SPECC1L: variants seen among roughly 807,000 people sequenced by gnomAD.
SPECC1L encodes the protein cytospin-A.
SPECC1L carries 40 observed loss-of-function variants against 116.8 expected under a neutral mutation model. The ratio of observed to expected loss-of-function variants is 0.34; its 90% CI spans 0.27 to 0.45. The LOEUF (loss-of-function observed/expected upper bound fraction) is 0.45. Among genes scored for constraint, SPECC1L ranks in the 20% least tolerant of loss-of-function variants. SPECC1L has a pLI of 1.00. For missense variants in SPECC1L, 1,110 were observed against 1,373.6 expected, an observed-to-expected ratio of 0.81 and a Z score of 3.03; for synonymous variants, 504 against 500.6, an observed-to-expected ratio of 1.01 and a Z score of -0.09.
At chr22:24,364,046 C>G (rs1263232210) in intron 12 of SPECC1L, among the ~76,000 whole-genome samples, 1 of 152,150 alleles carries the variant, frequency 6.6e-6, no homozygotes, top group Admixed American at 6.5e-5. Flanking sequence ...GCCTGCAGAT[C>G]CACCTTCTTC....
intron 2 of SPECC1L, among the ~76,000 whole-genome samples, chr22:24,289,349 C>A (rs9624449): frequency 6.6e-6 from 1 of 152,328 alleles, no homozygotes; most frequent in Admixed American, 6.5e-5. Flanking sequence ...AGGCTTGTCA[C>A]TTGTCTGGAA....
rs2042818322 is a variant in SPECC1L, at chr22:24,417,280, A to G, written c.*2657A>G. 3.3e-5 allele frequency: 5 copies of G among 152,052 alleles called. No individual in the cohort carries two copies. Among genetic ancestry groups the G allele is most frequent in the Non-Finnish European group, 7.4e-5 (5 of 67,984 alleles). 9.4% of individuals were successfully genotyped at this position (152,052 alleles called of 1,614,324 possible). A position where few individuals can be genotyped will look rare whatever the true frequency, so the allele number is the denominator to read the frequency against. Reference sequence around the variant, plus strand: ...CTTGGGCTTTTCTAGCTTGCCCTCCACTCCCTGCCGTCCCTCTGACGTCGC... The same window carrying G: ...CTTGGGCTTTTCTAGCTTGCCCTCCGCTCCCTGCCGTCCCTCTGACGTCGC... On this transcript the variant is annotated 3_prime_UTR_variant, in exon 17 of 17. Transcript: ENST00000314328.
At position 24,363,294 on chromosome 22, in the gene SPECC1L, C is replaced by T. The variant is rs1569435923; in HGVS notation, c.2777C>T (p.Pro926Leu). Residue 926 changes from proline to leucine, a missense_variant, in exon 12 of 17, where the codon CCT (proline) becomes CTT (leucine). Coordinates refer to ENST00000314328, the MANE Select transcript of SPECC1L (RefSeq NM_015330.6). Reference protein sequence around the residue: ...HLLRTSSASRPASLPRVPAME... With the variant: ...HLLRTSSASRLASLPRVPAME... ...TTAAGAACATCTTCAGCCAGCCGGC[C>T]TGCTTCCCTGCCAAGAGTGCCTGCG... 3.1e-6 allele frequency: 5 copies of T among 1,614,074 alleles called. No homozygotes were observed. Among genetic ancestry groups the T allele is most frequent in the Non-Finnish European group, 4.2e-6 (5 of 1,180,036 alleles).
intron 14 of SPECC1L, among the ~76,000 whole-genome samples, chr22:24,402,524 C>A (rs2042499669): frequency 6.6e-6 from 1 of 152,208 alleles, no homozygotes; most frequent in South Asian, 2.1e-4. Flanking sequence ...CTCACTCTTA[C>A]CTCATGAGGC....
At chr22:24,367,718 G>C (rs1031953102) in intron 13 of SPECC1L, among the ~76,000 whole-genome samples, 4 of 152,170 alleles carry the variant, frequency 2.6e-5, no homozygotes, top group Admixed American at 2.0e-4. Flanking sequence ...AAAAGCTTCT[G>C]TTGTAAATGT....
intron 6 of SPECC1L, among the ~76,000 whole-genome samples, chr22:24,325,610 CG>C (rs2040805748): frequency 6.6e-6 from 1 of 150,600 alleles, no homozygotes; most frequent in Non-Finnish European, 1.5e-5. Context: ...AATGTAGTGC[CG>C]GGGGCAGAAA....
At chr22:24,354,823 G>A (rs2041497504) in intron 11 of SPECC1L, among the ~76,000 whole-genome samples, 1 of 151,760 alleles carries the variant, frequency 6.6e-6, no homozygotes, top group South Asian at 2.1e-4. Flanking sequence ...CACCACACCT[G>A]GCTAATTTTT....
At chr22:24,403,253 T>G (rs541199462) in intron 14 of SPECC1L, among the ~76,000 whole-genome samples, 2 of 152,314 alleles carry the variant, frequency 1.3e-5, no homozygotes, top group South Asian at 4.1e-4. Flanking sequence ...TCTCTTGTTT[T>G]GTCGACCCTA....
chr22:24,300,609 A>G (rs536168140), intron 2 of SPECC1L, among the ~76,000 whole-genome samples: 12 of 152,128 alleles, frequency 7.9e-5, no homozygotes, highest in African/African-American at 2.4e-4. Flanking sequence ...AAGCATTCCT[A>G]TTTCTCCACA....
At chr22:24,338,245 C>A in intron 9 of SPECC1L, 141 bp from the exon 10 acceptor site, 1 of 809,860 alleles carries the variant, frequency 1.2e-6, no homozygotes, top group Non-Finnish European at 2.2e-6. Context: ...TACAAGTGTT[C>A]AGCAGAGGCT....
chr22:24,322,721 G>C lies in SPECC1L; in HGVS notation c.1741G>C (p.Ala581Pro). 6.3e-7 allele frequency: 1 copy of C among 1,590,974 alleles called. No homozygotes were observed. The highest frequency in any genetic ancestry group is 8.5e-7 in the Non-Finnish European group (1 of 1,169,898). Residue 581 changes from alanine to proline, a missense_variant, in exon 5 of 17, where the codon GCT becomes CCT. Transcript: ENST00000314328. ...CCAGATAGAGATGAATCGCCTGAAG[G>C]CTCAGCTGGAGAATGAAAAGCAGAA... ...SDQIEMNRLK[A>P]QLENEKQKVA...
intron 3 of SPECC1L, among the ~76,000 whole-genome samples, chr22:24,309,441 G>A (rs986569578): frequency 6.6e-6 from 1 of 151,908 alleles, no homozygotes; most frequent in Non-Finnish European, 1.5e-5. Flanking sequence ...TAGCTCTGTC[G>A]CCAGGCTGGA....
chr22:24,275,103 T>A (rs916909415), intron 1 of SPECC1L, among the ~76,000 whole-genome samples: 4 of 152,268 alleles, frequency 2.6e-5, no homozygotes, highest in African/African-American at 9.6e-5. Flanking sequence ...TCCCTAGTCC[T>A]CCTGCCTCCT....
rs548384565 is a variant in SPECC1L, at chr22:24,391,021, G to A, written c.3088-20567G>A. Reference sequence around the variant, plus strand: ...CTCCTGAGTAGCTGGGATTACAGGCGCATGCCAGCAAACCCAGCTAATTTT... The same window carrying A: ...CTCCTGAGTAGCTGGGATTACAGGCACATGCCAGCAAACCCAGCTAATTTT... On this transcript the variant is annotated intron_variant, in intron 14 of 16. Transcript: ENST00000314328. Among the ~76,000 whole-genome samples, 376 of 151,502 alleles carry A rather than the reference G, an allele frequency of 2.5e-3. 1 individual carries two copies. The highest frequency in any genetic ancestry group is 8.3e-3 in the African/African-American group (341 of 41,300).
intron 3 of SPECC1L, among the ~76,000 whole-genome samples, chr22:24,306,200 C>T (rs1395556245): frequency 1.3e-5 from 2 of 152,180 alleles, no homozygotes; most frequent in African/African-American, 2.4e-5. Flanking sequence ...AGCCACTGCA[C>T]CCGGCCTTAT....
At chr22:24,326,519 C>T (rs181399686) in intron 6 of SPECC1L, among the ~76,000 whole-genome samples, 5 of 152,144 alleles carry the variant, frequency 3.3e-5, no homozygotes, top group Non-Finnish European at 7.3e-5. Flanking sequence ...TTTGACTCTT[C>T]GTTTGCAGGT....
At position 24,321,669 on chromosome 22, in the gene SPECC1L, C is replaced by T. The variant is rs117220882; in HGVS notation, c.689C>T (p.Thr230Ile). Residue 230 changes from threonine (T) to isoleucine (I), a missense_variant, in exon 5 of 17, where the codon ACT becomes ATT. By Grantham distance (89) the Thr-to-Ile change is moderately conservative. Around this residue, in one of 4 missense-constraint regions of SPECC1L, gnomAD observed 437 missense variants for 482.6 expected, o/e 0.91. Transcript: ENST00000314328. ...GGTGATGAAAAATCTGAGAAGGAAA[C>T]TATTATGGCTCACCAGCCGACTGAT... ...SEGDEKSEKE[T>I]IMAHQPTDVE... 8.5e-4 allele frequency: 1,378 copies of T among 1,614,256 alleles called. 23 individuals are homozygous for T. The East Asian group carries it at 0.025, about 30-fold the overall frequency.
At position 24,414,737 on chromosome 22, in the gene SPECC1L, C is replaced by T. The variant is rs1051692887; in HGVS notation, c.*114C>T. 1.1e-6 allele frequency: 1 copy of T among 899,280 alleles called. No homozygotes were observed. The highest frequency in any genetic ancestry group is 1.4e-5 in the South Asian group (1 of 71,798). 55.7% of individuals were successfully genotyped at this position (899,280 alleles called of 1,614,324 possible). On this transcript the variant is annotated 3_prime_UTR_variant, in exon 17 of 17. Coordinates refer to ENST00000314328, the MANE Select transcript of SPECC1L (RefSeq NM_015330.6). ...AGCTTCCAGCAACTCTGGGCTGCCC[C>T]ACAGCGTGTGAGCCTCCAGCTCGGG...
In SPECC1L at chr22:24,330,236, A is replaced by C. The variant is rs751403616; in HGVS notation, c.2221-20A>C. ...TTGATTGCTCTCTTTTGGAAATAAA[A>C]AGTTAGTTTTTTAATATAGGAAGAA... On this transcript the variant is annotated intron_variant, in intron 7 of 16. Coordinates refer to ENST00000314328, the MANE Select transcript of SPECC1L (RefSeq NM_015330.6). 2 of 1,612,922 alleles carry C rather than the reference A, an allele frequency of 1.2e-6. No homozygotes were observed. Among genetic ancestry groups the C allele is most frequent in the African/African-American group, 1.3e-5 (1 of 74,878 alleles).
Sources: gnomAD v4.1 joint callset for allele counts (sites outside exome capture counted in the v4.1 genomes callset) on GRCh38, gnomAD v4.1.1 for gene constraint, gnomAD v4.1.1 regional missense constraint, MANE v1.5 for transcripts, NCBI Gene and HGNC (gene_info 2026-07-23, HGNC 2026-07-21) for gene names.